ENO4: variants seen among roughly 807,000 people sequenced by gnomAD.
ENO4 encodes 2-phospho-D-glycerate hydro-lyase.
Under a neutral mutation model 63.2 loss-of-function variants are expected in ENO4, and 53 were observed. The ratio of observed to expected loss-of-function variants is 0.84; its 90% CI spans 0.67 to 1.05. The LOEUF is 1.05. ENO4 is among the 50% of genes least tolerant of loss of function. ENO4 has a pLI of 0.00. For missense variants in ENO4, 719 were observed against 772.0 expected, an observed-to-expected ratio of 0.93 and a Z score of 0.81; for synonymous variants, 266 against 283.8, an observed-to-expected ratio of 0.94 and a Z score of 0.63.
In ENO4 at chr10:116,868,702, G is replaced by A; in HGVS notation, c.1043G>A (p.Gly348Asp). 3.2e-6 allele frequency: 5 copies of A among 1,549,948 alleles called. No individual in the cohort carries two copies. The highest frequency in any genetic ancestry group is 4.4e-6 in the Non-Finnish European group (5 of 1,146,452). ...TKKGHDGSKR[G>D]QQQITGKMSH... ...AAAGGGCACGATGGAAGCAAAAGAG[G>A]TCAAGTAAGTCTATATATTGTTTAC... The change falls in exon 8 of 14, where the codon GGT (glycine) becomes GAT (aspartate). Residue 348 changes from glycine to aspartate, a missense_variant. Coordinates refer to ENST00000341276, the MANE Select transcript of ENO4 (RefSeq NM_001242699.2).
intron 10 of ENO4, among the ~76,000 whole-genome samples, chr10:116,892,596 T>G (rs890519378): frequency 6.6e-6 from 1 of 152,254 alleles, no homozygotes; most frequent in African/African-American, 2.4e-5. Flanking sequence ...TTTCATTCTA[T>G]GTTTTCAGGA....
chr10:116,861,133 GC>G lies in ENO4; in HGVS notation c.880del (p.Leu294Ter). On this transcript the variant is annotated frameshift_variant, in exon 6 of 14. Coordinates refer to ENST00000341276, the MANE Select transcript of ENO4 (RefSeq NM_001242699.2). LOFTEE classifies it high-confidence loss of function. Reference sequence around the variant, plus strand: ...GCTGTGGGAAGTCATCATCTGGGAAGCTAAATTTAATGAAAGAAGTGATTTG... The same window carrying G: ...GCTGTGGGAAGTCATCATCTGGGAAGTAAATTTAATGAAAGAAGTGATTTG... The part of the protein sequence containing the change: ...VSCGKSSSGK[L>X]NLMKEVICIP... 6.5e-7 allele frequency: 1 copy of G among 1,546,312 alleles called. No individual in the cohort carries two copies. Among genetic ancestry groups the G allele is most frequent in the Non-Finnish European group, 8.7e-7 (1 of 1,144,856 alleles).
intron 10 of ENO4, among the ~76,000 whole-genome samples, chr10:116,888,492 T>A (rs181491542): frequency 6.6e-6 from 1 of 152,166 alleles, no homozygotes; most frequent in Admixed American, 6.5e-5. Flanking sequence ...GTTCTGACAG[T>A]TGGGAGGGAA....
intron 9 of ENO4, 164 bp from the exon 10 acceptor site, chr10:116,873,911 AT>A: frequency 1.0e-6 from 1 of 981,286 alleles, no homozygotes; most frequent in Non-Finnish European, 1.2e-6. Context: ...AATATTTAAG[AT>A]ATTTAAAGTA....
Position 116,881,531 on chromosome 10 carries a change from C to T in ENO4, c.1740C>T (p.His580=). The change falls in exon 14 of 14, where the codon CAC becomes CAT. Residue 580 remains histidine (H), a synonymous_variant. Coordinates refer to ENST00000341276, the MANE Select transcript of ENO4 (RefSeq NM_001242699.2). ...QNGTLGFKEE[H]TFFYFNEEAE... Reference sequence around the variant, plus strand: ...TTTAAATAGGTTTCAAAGAAGAACACACTTTTTTTTACTTTAATGAGGAAG... The same window carrying T: ...TTTAAATAGGTTTCAAAGAAGAACATACTTTTTTTTACTTTAATGAGGAAG... 2.6e-6 allele frequency: 4 copies of T among 1,543,756 alleles called. No individual in the cohort carries two copies. The highest frequency in any genetic ancestry group is 3.5e-6 in the Non-Finnish European group (4 of 1,144,806).
chr10:116,856,988 CAAA>C (rs66621882), intron 3 of ENO4, among the ~76,000 whole-genome samples: 6 of 120,154 alleles, frequency 5.0e-5, no homozygotes, highest in Admixed American at 8.5e-5. Context: ...GACTCTGTAT[CAAA>C]AAAAAAAAAA....
At position 116,849,722 on chromosome 10, in the gene ENO4, C is replaced by G; in HGVS notation, c.156C>G (p.Tyr52Ter). The change falls in exon 1 of 14, where the codon TAC (tyrosine) becomes TAG (stop). Residue 52 changes from tyrosine to a stop codon, truncating the protein, a stop_gained. Transcript: ENST00000341276. LOFTEE classifies it high-confidence loss of function. ...STFYLQPADVYGHLANCFSKL... is the reference protein window; with the variant it reads ...STFYLQPADV Reference sequence around the variant, plus strand: ...TCTACCTCCAGCCTGCCGACGTCTACGGGCACCTGGTAGGGACCTGGGACA... The same window carrying G: ...TCTACCTCCAGCCTGCCGACGTCTAGGGGCACCTGGTAGGGACCTGGGACA... 1 of 1,523,174 alleles carries G rather than the reference C, an allele frequency of 6.6e-7. No individual in the cohort carries two copies. 94.4% of individuals were successfully genotyped at this position (1,523,174 alleles called of 1,614,324 possible). A position where few individuals can be genotyped will look rare whatever the true frequency, so the allele number is the denominator to read the frequency against.
At chr10:116,849,862 G>A (rs1589742940) in intron 1 of ENO4, 131 bp downstream of exon 1, 2 of 1,053,220 alleles carry the variant, frequency 1.9e-6, no homozygotes, top group East Asian at 2.6e-5. Context: ...GGGCCTGCGT[G>A]TGCGGAGGAG....
intron 1 of ENO4, among the ~76,000 whole-genome samples, chr10:116,851,328 C>G (rs1366684152): frequency 1.3e-5 from 2 of 152,124 alleles, no homozygotes; most frequent in African/African-American, 2.4e-5. Context: ...TGGAAAAGAT[C>G]CTTGGAGGCT....
chr10:116,892,095 G>A (rs1253285008), intron 10 of ENO4, among the ~76,000 whole-genome samples: 1 of 152,180 alleles, frequency 6.6e-6, no homozygotes, highest in African/African-American at 2.4e-5. Context: ...GCTGGGCAAA[G>A]ATCTATGTCT....
intron 7 of ENO4, chr10:116,868,438 A>C (rs1312456586): frequency 2.9e-6 from 2 of 684,540 alleles, no homozygotes; most frequent in African/African-American, 3.5e-5. Context: ...TAAAGGAAAC[A>C]CATTCCTGAA....
At chr10:116,870,234 A>G (rs1202032059) in intron 8 of ENO4, among the ~76,000 whole-genome samples, 1 of 152,188 alleles carries the variant, frequency 6.6e-6, no homozygotes, top group East Asian at 1.9e-4. Context: ...TTCAATTTAT[A>G]ATTGCATAGT....
intron 10 of ENO4, among the ~76,000 whole-genome samples, chr10:116,875,550 G>A (rs183583643): frequency 1.4e-5 from 1 of 70,378 alleles, no homozygotes; most frequent in Non-Finnish European, 3.0e-5. Flanking sequence ...TTGCCACATT[G>A]TCCAGGCTGG....
At chr10:116,887,691 T>G (rs1326276163) in intron 10 of ENO4, among the ~76,000 whole-genome samples, 1 of 152,230 alleles carries the variant, frequency 6.6e-6, no homozygotes, top group Non-Finnish European at 1.5e-5. Context: ...TTGTTTCCTG[T>G]CTGTCTCTTC....
chr10:116,862,329 T>C (rs895675664), intron 6 of ENO4, among the ~76,000 whole-genome samples: 1 of 151,956 alleles, frequency 6.6e-6, no homozygotes, highest in Non-Finnish European at 1.5e-5. Flanking sequence ...CCAGGCATGG[T>C]GGTGCATGCC....
At chr10:116,895,609 A>G (rs1253809495) in intron 10 of ENO4, among the ~76,000 whole-genome samples, 1 of 152,206 alleles carries the variant, frequency 6.6e-6, no homozygotes, top group East Asian at 1.9e-4. Flanking sequence ...GGATGTGAGT[A>G]TCTTAGGGTC....
chr10:116,880,142 T>C (rs1159954523), intron 13 of ENO4, among the ~76,000 whole-genome samples, 156 bp downstream of exon 13: 1 of 152,212 alleles, frequency 6.6e-6, no homozygotes, highest in Non-Finnish European at 1.5e-5. Flanking sequence ...CCACAATGTA[T>C]ATTGTTGTCT....
At chr10:116,902,827 A>G (rs1847799673) in intron 10 of ENO4, among the ~76,000 whole-genome samples, 1 of 152,224 alleles carries the variant, frequency 6.6e-6, no homozygotes, top group South Asian at 2.1e-4. Context: ...AGAGCACAAA[A>G]CTTGGGTGTC....
In ENO4 at chr10:116,906,766, A is replaced by G. The variant is rs1180219360; in HGVS notation, c.1195-4733A>G. ...GTGTCCCCTAAAGTGAAAACAAAAC[A>G]AAAACAAAAAGGTTAATGTCTTAAT... On this transcript the variant is annotated intron_variant, in intron 10 of 10. Transcript: ENST00000369207. 3.1e-6 allele frequency: 5 copies of G among 1,596,266 alleles called. No homozygotes were observed. In the Admixed American group the frequency reaches 5.3e-5, roughly 17 times the overall value.
Sources: gnomAD v4.1 joint callset for allele counts (sites outside exome capture counted in the v4.1 genomes callset) on GRCh38, gnomAD v4.1.1 for gene constraint, MANE v1.5 for transcripts, NCBI Gene and HGNC (gene_info 2026-07-23, HGNC 2026-07-21) for gene names.